HNRNPU: variants seen among roughly 807,000 people sequenced by gnomAD.
The protein encoded by HNRNPU is HNRNPU antisense RNA 1.
In HNRNPU, 5 loss-of-function variants were observed where a neutral mutation model predicts 94.7. That is an observed-to-expected ratio of 0.05 (90% confidence interval 0.03 to 0.11). HNRNPU has a LOEUF of 0.11. Among genes scored for constraint, HNRNPU ranks in the 10% least tolerant of loss-of-function variants. HNRNPU has a pLI of 1.00. For synonymous variants in HNRNPU, 434 were observed against 381.6 expected (o/e 1.14, Z -1.60); for missense variants, 710 against 1,049.2 (o/e 0.68, Z 4.47).
intron 4 of HNRNPU, chr1:244,860,008 G>GAA: frequency 1.4e-5 from 3 of 215,556 alleles, no homozygotes; most frequent in Admixed American, 5.8e-5. Context: ...ATTTTAAAAA[G>GAA]GAAAAAAAAA....
At position 244,864,032 on chromosome 1, in the gene HNRNPU, C is replaced by CTCCTCT. The variant is rs770670938; in HGVS notation, c.270_275dup (p.Glu93_Glu94dup). 6 of 1,611,544 alleles carry CTCCTCT rather than the reference C, an allele frequency of 3.7e-6. No individual in the cohort carries two copies. Among genetic ancestry groups the CTCCTCT allele is most frequent in the Non-Finnish European group, 2.5e-6 (3 of 1,179,162 alleles). On this transcript the variant is annotated inframe_insertion, in exon 1 of 14. Coordinates refer to ENST00000640218, the MANE Select transcript of HNRNPU (RefSeq NM_031844.3). ...CGTCCAGAGCGGAGATTCCTTCCTC[C>CTCCTCT]TCCTCTTCCTCTTCCTCCTCCTCTT...
chr1:244,853,494 A>T lies in HNRNPU; in HGVS notation c.*956T>A, dbSNP rs1414237850. On this transcript the variant is annotated 3_prime_UTR_variant, in exon 14 of 14. Coordinates refer to ENST00000640218, the MANE Select transcript of HNRNPU (RefSeq NM_031844.3). ...AGGCTAAGGAGATACCCATTCAAGA[A>T]CTGACATGATTAAAAATTAAGATAT... 6.6e-6 allele frequency: 1 copy of T among 152,592 alleles called. No homozygotes were observed. The highest frequency in any genetic ancestry group is 1.5e-5 in the Non-Finnish European group (1 of 68,004). The allele number at this position is 152,592 out of a possible 1,614,324, so 9.5% of individuals were successfully genotyped here.
chr1:244,857,804 C>G, intron 7 of HNRNPU, 87 bp from the exon 8 acceptor site: 2 of 1,501,990 alleles, frequency 1.3e-6, no homozygotes, highest in African/African-American at 1.4e-5. Context: ...ATTTAAATAT[C>G]TAAGTTTTCA....
Position 244,855,599 on chromosome 1 carries a change from T to C in HNRNPU, c.2177A>G (p.Asn726Ser). The C allele has an allele frequency of 1.2e-6, 2 of 1,614,002 alleles. No homozygotes were observed. The highest frequency in any genetic ancestry group is 1.1e-5 in the South Asian group (1 of 91,086). Residue 726 changes from asparagine (N) to serine (S), a missense_variant, in exon 12 of 14, where the codon AAT (asparagine) becomes AGT (serine). Asn to Ser is a conservative substitution (Grantham distance 46). Around this residue, in one of 8 missense-constraint regions of HNRNPU, gnomAD observed 152 missense variants for 238.9 expected, o/e 0.64. Transcript: ENST00000640218. The stretch of plus-strand genomic sequence containing the variant: ...GCCCCTCCTATTATATCCGCCACGA[T>C]TCCCAGGGGCTAAAAGACAAGAGCT... ...GGNFRGGAPG[N>S]RGGYNRRGNM...
At chr1:244,855,779 A>G (rs1680663293) in intron 11 of HNRNPU, 125 bp downstream of exon 11, 2 of 1,285,472 alleles carry the variant, frequency 1.6e-6, no homozygotes, top group Non-Finnish European at 2.2e-6. Flanking sequence ...ATCAAATCAC[A>G]TGAATACTTT....
Position 244,856,155 on chromosome 1 carries a change from T to C in HNRNPU, c.1916A>G (p.Asn639Ser). The C allele has an allele frequency of 1.9e-6, 3 of 1,602,538 alleles. No homozygotes were observed. Among genetic ancestry groups the C allele is most frequent in the Non-Finnish European group, 2.5e-6 (3 of 1,176,552 alleles). ...PEHAVLKMKG[N>S]FTLPEVAECF... ...CTCAGCTACCTCTGGGAGGGTAAAG[T>C]TTCCTGCAGGAAACAAAGTCATATT... The change falls in exon 11 of 14, where the codon AAC becomes AGC. Residue 639 changes from asparagine to serine, a missense_variant. Around this residue, in one of 8 missense-constraint regions of HNRNPU, gnomAD observed 152 missense variants for 238.9 expected, o/e 0.64. Transcript: ENST00000640218.
chr1:244,864,167 G>C lies in HNRNPU; in HGVS notation c.141C>G (p.Ala47=). 1 of 1,605,568 alleles carries C rather than the reference G, an allele frequency of 6.2e-7. No homozygotes were observed. Among genetic ancestry groups the C allele is most frequent in the Non-Finnish European group, 8.5e-7 (1 of 1,176,492 alleles). ...RLQAALDDEE[A]GGRPAMEPGN... ...CGGGCTCCATGGCGGGGCGGCCCCCGGCCTCCTCGTCGTCCAGCGCAGCCT... is the reference window on the plus strand; with the variant it reads ...CGGGCTCCATGGCGGGGCGGCCCCCCGCCTCCTCGTCGTCCAGCGCAGCCT... The change falls in exon 1 of 14, where the codon GCC becomes GCG. Residue 47 remains alanine (A), a synonymous_variant. Coordinates refer to ENST00000640218, the MANE Select transcript of HNRNPU (RefSeq NM_031844.3).
chr1:244,855,159 AG>A lies in HNRNPU; in HGVS notation c.2353-116del. The stretch of plus-strand genomic sequence containing the variant: ...TGCTAGCCCCTAATCTTAGGTAGCA[AG>A]CAATACACAAATTCTGGATACCCTC... On this transcript the variant is annotated intron_variant, in intron 12 of 13. Transcript: ENST00000640218. The A allele has an allele frequency of 5.2e-6, 4 of 769,342 alleles. No individual in the cohort carries two copies. The South Asian group carries it at 5.8e-5, about 11-fold the overall frequency. 47.7% of individuals were successfully genotyped at this position (769,342 alleles called of 1,614,324 possible). A position where few individuals can be genotyped will look rare whatever the true frequency, so the allele number is the denominator to read the frequency against.
intron 1 of HNRNPU, among the ~76,000 whole-genome samples, 174 bp downstream of exon 1, chr1:244,863,443 C>A (rs928572841): frequency 6.6e-6 from 1 of 151,202 alleles, no homozygotes; most frequent in East Asian, 2.0e-4. Context: ...CACACACGCC[C>A]CGAGCCCGAG....
At position 244,863,864 on chromosome 1, in the gene HNRNPU, T is replaced by C. The variant is rs2102990673; in HGVS notation, c.444A>G (p.Glu148=). The change falls in exon 1 of 14, where the codon GAA becomes GAG. Residue 148 remains glutamate, a synonymous_variant. Coordinates refer to ENST00000640218, the MANE Select transcript of HNRNPU (RefSeq NM_031844.3). ...FQEGEDELGD[E]EEGAGDENGH... ...CGTTCTCGTCGCCCGCGCCTTCCTC[T>C]TCGTCCCCGAGCTCATCTTCCCCTT... The C allele has an allele frequency of 6.2e-7, 1 of 1,613,276 alleles. No homozygotes were observed. Among genetic ancestry groups the C allele is most frequent in the East Asian group, 2.2e-5 (1 of 44,780 alleles).
chr1:244,863,279 G>A (rs1387670184), intron 1 of HNRNPU, among the ~76,000 whole-genome samples: 3 of 145,864 alleles, frequency 2.1e-5, no homozygotes, highest in African/African-American at 7.7e-5. Context: ...GCGCGACGGC[G>A]CCACCGCGGG....
Position 244,863,732 on chromosome 1 carries a change from C to A in HNRNPU, c.576G>T (p.Ser192=). 6.4e-7 allele frequency: 1 copy of A among 1,570,512 alleles called. No individual in the cohort carries two copies. The highest frequency in any genetic ancestry group is 8.6e-7 in the Non-Finnish European group (1 of 1,164,084). Residue 192 remains serine, a synonymous_variant, in exon 1 of 14, where the codon TCG becomes TCT. Coordinates refer to ENST00000640218, the MANE Select transcript of HNRNPU (RefSeq NM_031844.3). ...GCGGCGCCACCGTCACCGCGAACAGCGAGGTGGGGCCGCTGCTCTTCCCCG... is the reference window on the plus strand; with the variant it reads ...GCGGCGCCACCGTCACCGCGAACAGAGAGGTGGGGCCGCTGCTCTTCCCCG... The part of the protein sequence containing the change: ...EAAGKSSGPT[S]LFAVTVAPPG...
intron 11 of HNRNPU, 83 bp from the exon 12 acceptor site, chr1:244,855,691 T>C: frequency 7.0e-7 from 1 of 1,425,356 alleles, no homozygotes; most frequent in Non-Finnish European, 9.6e-7. Flanking sequence ...AGATTGTTCC[T>C]TTTTCTCCAA....
At chr1:244,858,419 A>C (rs1680736976) in intron 6 of HNRNPU, 145 bp from the exon 7 acceptor site, 2 of 687,694 alleles carry the variant, frequency 2.9e-6, no homozygotes, top group Non-Finnish European at 4.8e-6. Context: ...CTACACAGTT[A>C]AGAAATCTGA....
Position 244,864,241 on chromosome 1 carries a change from G to T in HNRNPU, c.67C>A (p.Arg23=). ...VSELKEELKK[R]RLSDKGLKAE... is the part of the protein sequence containing the mutation. The stretch of plus-strand genomic sequence containing the variant: ...TTGAGACCCTTGTCAGAAAGGCGTC[G>T]CTTCTTGAGCTCCTCTTTCAGCTCC... Residue 23 remains arginine (R), a synonymous_variant, in exon 1 of 14, where the codon CGA becomes AGA. Coordinates refer to ENST00000640218, the MANE Select transcript of HNRNPU (RefSeq NM_031844.3). 4 of 1,613,258 alleles carry T rather than the reference G, an allele frequency of 2.5e-6. No homozygotes were observed. The highest frequency in any genetic ancestry group is 3.4e-6 in the Non-Finnish European group (4 of 1,179,730).
At position 244,857,588 on chromosome 1, in the gene HNRNPU, T is replaced by C; in HGVS notation, c.1614+10A>G. 6.2e-7 allele frequency: 1 copy of C among 1,612,226 alleles called. No individual in the cohort carries two copies. Among genetic ancestry groups the C allele is most frequent in the Non-Finnish European group, 8.5e-7 (1 of 1,178,802 alleles). On this transcript the variant is annotated intron_variant, in intron 8 of 13. Transcript: ENST00000640218. ...AAACACTGAGATCAGGCCCTAAACA[T>C]TTTACTTACCATCATCTTATCCATA...
Position 244,863,775 on chromosome 1 carries a change from C to A in HNRNPU, c.533G>T (p.Gly178Val). 1 of 1,598,878 alleles carries A rather than the reference C, an allele frequency of 6.3e-7. No individual in the cohort carries two copies. Among genetic ancestry groups the A allele is most frequent in the East Asian group, 2.3e-5 (1 of 43,946 alleles). The change falls in exon 1 of 14, where the codon GGG becomes GTG. Residue 178 changes from glycine to valine, a missense_variant. Transcript: ENST00000640218. The stretch of plus-strand genomic sequence containing the variant: ...CTTCCCCGCGGCCTCCTTGGCGGCC[C>A]CGCGCTGCTGTTGGGGCTGTTGCTG... ...TQQQQPQQQR[G>V]AAKEAAGKSS...
chr1:244,860,298 C>T, intron 4 of HNRNPU, 37 bp downstream of exon 4: 2 of 1,587,688 alleles, frequency 1.3e-6, no homozygotes, highest in Non-Finnish European at 1.7e-6. Flanking sequence ...GAGACTGTCT[C>T]CACAAACAAA....
At chr1:244,857,974 T>G (rs763660596) in intron 7 of HNRNPU, 37 bp downstream of exon 7, 12 of 1,560,458 alleles carry the variant, frequency 7.7e-6, no homozygotes, top group Non-Finnish European at 1.0e-5. Context: ...GCAAGCAATA[T>G]TCAAATGCCA....
Sources: allele counts gnomAD v4.1 joint callset (sites outside exome capture counted in the v4.1 genomes callset), GRCh38; gene constraint gnomAD v4.1.1; regional missense constraint gnomAD v4.1.1; transcripts MANE v1.5; gene names NCBI Gene and HGNC (gene_info 2026-07-23, HGNC 2026-07-21).